The following KLHL13 variants were observed in gnomAD, a reference collection of about 807,000 sequenced individuals.
KLHL13 encodes kelch like family member 13, also known as kelch-like protein 13.
In KLHL13, 10 loss-of-function variants were observed where a neutral mutation model predicts 37.1. The ratio of observed to expected loss-of-function variants is 0.27; its 90% CI spans 0.17 to 0.46. The LOEUF is 0.46. Among genes scored for constraint, KLHL13 ranks in the 20% least tolerant of loss-of-function variants. The probability of loss-of-function intolerance (pLI) is 1.00; values close to 1 mark genes in which losing one functional copy is unlikely to be tolerated. For missense variants in KLHL13, 360 were observed against 509.3 expected (o/e 0.71, Z 2.82); for synonymous variants, 163 against 181.2 (o/e 0.90, Z 0.81).
At chrX:117,966,711 G>A (rs2053439730) in intron 1 of KLHL13, among the ~76,000 whole-genome samples, 1 of 110,931 alleles carries the variant, frequency 9.0e-6, no homozygotes, top group Non-Finnish European at 1.9e-5. Context: ...CCAAAACAGA[G>A]ATATAGACCA....
intron 1 of KLHL13, among the ~76,000 whole-genome samples, chrX:118,098,370 A>G (rs1320544262): frequency 8.9e-6 from 1 of 111,752 alleles, no homozygotes; most frequent in African/African-American, 3.3e-5. Context: ...CAAAACCACA[A>G]TGAGATACCA....
intron 1 of KLHL13, among the ~76,000 whole-genome samples, chrX:118,069,109 TCACACACA>T (rs771534683): frequency 0.013 from 1,116 of 83,977 alleles, 1 homozygote; most frequent in African/African-American, 0.02. Context: ...TCCAGAAGAG[TCACACACA>T]CACACACACA....
chrX:118,089,809 T>C (rs1477922334), intron 1 of KLHL13, among the ~76,000 whole-genome samples: 6 of 110,797 alleles, frequency 5.4e-5, no homozygotes, highest in Admixed American at 4.8e-4. Flanking sequence ...CTGGGTGTGG[T>C]GGCTCACACC....
rs188644679 is a variant in KLHL13 at position 118,093,734 on chromosome X, T to C, written c.-56+22774A>G. On this transcript the variant is annotated intron_variant, in intron 1 of 6. Coordinates refer to the KLHL13 transcript ENST00000371882. ...ACAGCATTACCTTCCTGAAATATTA[T>C]GACAAAGTCTTATAATAATGTATGA... is the stretch of plus-strand genomic sequence containing the variant. 1.4e-4 allele frequency among the ~76,000 whole-genome samples: 16 copies of C among 111,789 alleles called. No homozygotes were observed. In the East Asian group the frequency reaches 4.5e-3, roughly 31 times the overall value.
chrX:118,026,457 C>A (rs958359471), intron 1 of KLHL13, among the ~76,000 whole-genome samples: 2 of 111,482 alleles, frequency 1.8e-5, no homozygotes, highest in East Asian at 5.6e-4. Flanking sequence ...GAGCCTCTAT[C>A]AAAGCAACAT....
intron 1 of KLHL13, among the ~76,000 whole-genome samples, chrX:118,023,614 G>A (rs1017196895): frequency 9.0e-6 from 1 of 111,265 alleles, no homozygotes; most frequent in African/African-American, 3.3e-5. Context: ...TGTCACCCAG[G>A]CTGGAAGGCA....
intron 2 of KLHL13, among the ~76,000 whole-genome samples, chrX:117,932,526 T>C (rs1932507708): frequency 1.8e-5 from 2 of 112,407 alleles, no homozygotes; most frequent in Non-Finnish European, 3.8e-5. Context: ...CATTCTACTT[T>C]ATTCCTTAAT....
At chrX:117,950,290 A>T (rs6603353) in intron 1 of KLHL13, among the ~76,000 whole-genome samples, 11,277 of 110,862 alleles carry the variant, frequency 0.1, 592 homozygotes, top group African/African-American at 0.19. Context: ...AACATGGTAA[A>T]ACCCCGTCTC....
At chrX:118,073,853 G>GT (rs2054899930) in intron 1 of KLHL13, among the ~76,000 whole-genome samples, 1 of 110,928 alleles carries the variant, frequency 9.0e-6, no homozygotes. Context: ...TTTCACCCTC[G>GT]TATCTGTCAG....
At chrX:118,078,986 T>TA (rs1345714978) in intron 1 of KLHL13, among the ~76,000 whole-genome samples, 1 of 110,684 alleles carries the variant, frequency 9.0e-6, no homozygotes, top group Non-Finnish European at 1.9e-5. Flanking sequence ...TTCCTAGGGG[T>TA]ATCTCATATT....
chrX:117,969,216 C>T, intron 1 of KLHL13, among the ~76,000 whole-genome samples: 1 of 111,121 alleles, frequency 9.0e-6, no homozygotes, highest in Admixed American at 9.7e-5. Flanking sequence ...TCCTCCTTGC[C>T]ACACTATTAT....
chrX:118,021,110 G>A (rs1236660595), intron 1 of KLHL13, among the ~76,000 whole-genome samples: 1 of 105,968 alleles, frequency 9.4e-6, no homozygotes, highest in Non-Finnish European at 1.9e-5. Context: ...CCTGCACATT[G>A]TGCACATGTA....
intron 2 of KLHL13, among the ~76,000 whole-genome samples, chrX:117,930,242 G>GAGGA (rs757311737): frequency 0.097 from 6,118 of 62,762 alleles, 451 homozygotes; most frequent in Middle Eastern, 0.16. Context: ...GGAAGGAAGG[G>GAGGA]AGGAAGGAAG....
intron 1 of KLHL13, among the ~76,000 whole-genome samples, chrX:118,101,032 T>C (rs1331932724): frequency 4.5e-5 from 5 of 111,956 alleles, no homozygotes; most frequent in African/African-American, 6.5e-5. Context: ...CTTCTCTCTA[T>C]ATATTAGTCG....
intron 5 of KLHL13, among the ~76,000 whole-genome samples, chrX:117,908,195 TCTTC>T (rs1193211930): frequency 9.2e-6 from 1 of 108,849 alleles, no homozygotes; most frequent in Non-Finnish European, 1.9e-5. Context: ...TTTCTTTCTT[TCTTC>T]CTTTCTGTCT....
intron 1 of KLHL13, among the ~76,000 whole-genome samples, chrX:118,008,507 G>C (rs961957654): frequency 9.0e-6 from 1 of 111,708 alleles, no homozygotes; most frequent in Non-Finnish European, 1.9e-5. Flanking sequence ...AATACTATGG[G>C]AGCTGTAAGA....
chrX:118,017,731 T>C lies in KLHL13; in HGVS notation c.-55-72156A>G, dbSNP rs185478664. On this transcript the variant is annotated intron_variant, in intron 1 of 6. Transcript: ENST00000371882. ...CTACACAGAAAACCATGTATTAACA[T>C]TCACTGCTATATCCCTAGCACCCTA... Among the ~76,000 whole-genome samples the C allele has an allele frequency of 1.6e-4, 18 of 111,931 alleles. No individual in the cohort carries two copies. In the South Asian group the frequency reaches 1.9e-3, roughly 12 times the overall value.
chrX:117,903,511 G>GC (rs1556284462), intron 5 of KLHL13, among the ~76,000 whole-genome samples: 2 of 108,890 alleles, frequency 1.8e-5, no homozygotes, highest in African/African-American at 6.7e-5. Context: ...CAGTACTGTT[G>GC]TTTTTTTTTA....
intron 1 of KLHL13, among the ~76,000 whole-genome samples, chrX:118,010,602 A>G (rs1328122014): frequency 1.8e-5 from 1 of 56,896 alleles, no homozygotes. Context: ...GGGTGGGGGG[A>G]GGGGGGAGGG....
Sources: allele counts gnomAD v4.1 joint callset (sites outside exome capture counted in the v4.1 genomes callset), GRCh38; gene constraint gnomAD v4.1.1; transcripts MANE v1.5; gene names NCBI Gene and HGNC (gene_info 2026-07-23, HGNC 2026-07-21).